Variants in CADPS observed in about 807,000 individuals in gnomAD.
CADPS encodes the protein calcium dependent secretion activator, also known as calcium-dependent secretion activator 1.
In CADPS, 57 loss-of-function variants were observed where a neutral mutation model predicts 167.3. The ratio of observed to expected loss-of-function variants is 0.34; its 90% CI spans 0.28 to 0.42. CADPS has a LOEUF of 0.42. Among genes scored for constraint, CADPS ranks in the 20% least tolerant of loss-of-function variants. The pLI is 1.00. For synonymous variants in CADPS, 676 were observed against 635.3 expected (o/e 1.06, Z -0.96); for missense variants, 1,414 against 1,738.1 (o/e 0.81, Z 3.32).
At chr3:62,405,121 A>G in intron 28 of CADPS, among the ~76,000 whole-genome samples, 1 of 102,314 alleles carries the variant, frequency 9.8e-6, no homozygotes, top group African/African-American at 4.0e-5. Context: ...TACTGGTTGT[A>G]GCTGACATGT....
chr3:62,851,371 G>C (rs1452833916), intron 1 of CADPS, among the ~76,000 whole-genome samples: 27 of 135,290 alleles, frequency 2.0e-4, no homozygotes, highest in East Asian at 6.5e-4. Flanking sequence ...TCCTAGTCTC[G>C]ATGGTCGTTA....
intron 1 of CADPS, among the ~76,000 whole-genome samples, chr3:62,867,755 A>C (rs1424868564): frequency 3.3e-5 from 5 of 152,038 alleles, no homozygotes; most frequent in Non-Finnish European, 5.9e-5. Context: ...CTTAGCAATA[A>C]CAAGAGCTGA....
chr3:62,685,987 T>A (rs4491893), intron 3 of CADPS, among the ~76,000 whole-genome samples: 84,832 of 151,844 alleles, frequency 0.56, 24,673 homozygotes, highest in East Asian at 0.95. Flanking sequence ...GAGGAGGATA[T>A]TAAATGTTTC....
chr3:62,660,718 G>T (rs1164727637), intron 4 of CADPS, among the ~76,000 whole-genome samples: 1 of 152,074 alleles, frequency 6.6e-6, no homozygotes, highest in African/African-American at 2.4e-5. Flanking sequence ...TGCCCACAGG[G>T]CCTGTGAATA....
chr3:62,812,177 CAT>C (rs968138734), intron 1 of CADPS, among the ~76,000 whole-genome samples: 1 of 152,044 alleles, frequency 6.6e-6, no homozygotes, highest in Non-Finnish European at 1.5e-5. Flanking sequence ...AAAATATTAA[CAT>C]ATGATATTTA....
chr3:62,716,134 A>G (rs1348614532), intron 3 of CADPS, among the ~76,000 whole-genome samples: 1 of 152,018 alleles, frequency 6.6e-6, no homozygotes, highest in Non-Finnish European at 1.5e-5. Flanking sequence ...ATCTTGGCTC[A>G]TTGCAACCTT....
At chr3:62,873,958 G>A (rs2083145080) in intron 1 of CADPS, among the ~76,000 whole-genome samples, 1 of 152,214 alleles carries the variant, frequency 6.6e-6, no homozygotes, top group Admixed American at 6.5e-5. Flanking sequence ...ACACTTTGGC[G>A]ACGCTAGTCG....
chr3:62,594,509 C>G (rs2086860872), intron 6 of CADPS, among the ~76,000 whole-genome samples: 1 of 152,076 alleles, frequency 6.6e-6, no homozygotes, highest in Non-Finnish European at 1.5e-5. Flanking sequence ...TCTATATGTA[C>G]CATAATTTAT....
intron 1 of CADPS, among the ~76,000 whole-genome samples, chr3:62,794,293 G>C (rs2093205854): frequency 6.6e-6 from 1 of 152,158 alleles, no homozygotes; most frequent in Admixed American, 6.5e-5. Context: ...AATTAAGTAA[G>C]TAGTGATGGA....
At position 62,738,873 on chromosome 3, in the gene CADPS, T is replaced by G. The variant is rs538768320; in HGVS notation, c.888+14568A>C. Among the ~76,000 whole-genome samples, 100 of 152,350 alleles carry G rather than the reference T, an allele frequency of 6.6e-4. 1 individual carries two copies. The South Asian group carries it at 0.011, about 16-fold the overall frequency. On this transcript the variant is annotated intron_variant, in intron 3 of 29. Transcript: ENST00000383710. Reference sequence around the variant, plus strand: ...CATTATTTTATAATAAAACATTGACTGTTTACTAAAATAAATTGGTAAAAT... The same window carrying G: ...CATTATTTTATAATAAAACATTGACGGTTTACTAAAATAAATTGGTAAAAT...
At chr3:62,562,931 T>C (rs2152391660) in intron 9 of CADPS, among the ~76,000 whole-genome samples, 1 of 152,312 alleles carries the variant, frequency 6.6e-6, no homozygotes, top group African/African-American at 2.4e-5. Context: ...AAGTTTTCTC[T>C]GGGGCTGGTA....
intron 9 of CADPS, among the ~76,000 whole-genome samples, chr3:62,559,336 A>G (rs1258071499): frequency 6.6e-6 from 1 of 152,198 alleles, no homozygotes; most frequent in African/African-American, 2.4e-5. Flanking sequence ...AGTTGAGTAC[A>G]TACAATCCAA....
chr3:62,508,522 T>C (rs919217303), intron 17 of CADPS, among the ~76,000 whole-genome samples: 2 of 152,218 alleles, frequency 1.3e-5, no homozygotes, highest in African/African-American at 2.4e-5. Context: ...AGGATTTCCA[T>C]GCATGAATGC....
intron 3 of CADPS, among the ~76,000 whole-genome samples, chr3:62,690,132 T>C (rs2078840585): frequency 6.6e-6 from 1 of 152,028 alleles, no homozygotes; most frequent in African/African-American, 2.4e-5. Flanking sequence ...AATTTTTGGC[T>C]TCTCTTCCCT....
chr3:62,744,132 T>G (rs1043119422), intron 3 of CADPS, among the ~76,000 whole-genome samples: 1 of 152,144 alleles, frequency 6.6e-6, no homozygotes, highest in Non-Finnish European at 1.5e-5. Context: ...AAATGTCTGC[T>G]TTAAAGGCTT....
intron 3 of CADPS, among the ~76,000 whole-genome samples, chr3:62,727,659 A>G (rs1299553723): frequency 6.6e-6 from 1 of 151,834 alleles, no homozygotes; most frequent in East Asian, 1.9e-4. Flanking sequence ...CAATAATACT[A>G]ATACAACACT....
intron 3 of CADPS, among the ~76,000 whole-genome samples, chr3:62,724,151 A>T (rs778208147): frequency 6.6e-6 from 1 of 152,232 alleles, no homozygotes; most frequent in African/African-American, 2.4e-5. Context: ...ATGATGCTGC[A>T]GCAGGGCTCA....
At chr3:62,461,881 C>G (rs1365767407) in intron 26 of CADPS, among the ~76,000 whole-genome samples, 1 of 152,248 alleles carries the variant, frequency 6.6e-6, no homozygotes, top group Non-Finnish European at 1.5e-5. Context: ...GAGAACACAC[C>G]TTTCTAGCTC....
intron 1 of CADPS, among the ~76,000 whole-genome samples, chr3:62,869,140 C>T (rs927811023): frequency 3.3e-5 from 5 of 152,120 alleles, no homozygotes; most frequent in African/African-American, 4.8e-5. Context: ...TTCTATTGAG[C>T]ATCATGTCAT....
Sources: gnomAD v4.1 joint callset for allele counts (sites outside exome capture counted in the v4.1 genomes callset) on GRCh38, gnomAD v4.1.1 for gene constraint, MANE v1.5 for transcripts, NCBI Gene and HGNC (gene_info 2026-07-23, HGNC 2026-07-21) for gene names.